The following SIK3 variants were observed in gnomAD, a reference collection of about 807,000 sequenced individuals.
SIK3 encodes serine/threonine-protein kinase SIK3.
Under a neutral mutation model 144.2 loss-of-function variants are expected in SIK3, and 28 were observed. The observed-to-expected ratio is 0.19, with a 90% CI of 0.14 to 0.27. SIK3 has a LOEUF of 0.27. SIK3 is among the 10% of genes least tolerant of loss of function. The probability of loss-of-function intolerance (pLI) is 1.00; values close to 1 mark genes in which losing one functional copy is unlikely to be tolerated. For synonymous variants in SIK3, 686 were observed against 676.3 expected, an observed-to-expected ratio of 1.01 and a Z score of -0.22; for missense variants, 1,319 against 1,776.0, an observed-to-expected ratio of 0.74 and a Z score of 4.62.
chr11:116,880,001 T>G (rs1277178672), intron 6 of SIK3, among the ~76,000 whole-genome samples: 1 of 152,128 alleles, frequency 6.6e-6, no homozygotes, highest in East Asian at 1.9e-4. Flanking sequence ...CAAACTGTTG[T>G]TAAGGCCTCT....
At chr11:116,990,860 A>G (rs1319628809) in intron 1 of SIK3, among the ~76,000 whole-genome samples, 2 of 151,892 alleles carry the variant, frequency 1.3e-5, no homozygotes, top group Non-Finnish European at 2.9e-5. Context: ...CCTCCCCTCC[A>G]CCTCCCAAAA....
At chr11:116,944,616 A>G (rs1052350877) in intron 3 of SIK3, among the ~76,000 whole-genome samples, 2 of 152,216 alleles carry the variant, frequency 1.3e-5, no homozygotes, top group African/African-American at 4.8e-5. Context: ...TGGAAAGGAC[A>G]ACAAAAGTTC....
At chr11:116,997,896 G>A (rs1328249754) in intron 1 of SIK3, among the ~76,000 whole-genome samples, 1 of 152,142 alleles carries the variant, frequency 6.6e-6, no homozygotes, top group East Asian at 1.9e-4. Flanking sequence ...GTCTCACTTT[G>A]TCACCCAGAC....
At chr11:117,011,811 C>A (rs1951271314) in intron 1 of SIK3, among the ~76,000 whole-genome samples, 1 of 151,978 alleles carries the variant, frequency 6.6e-6, no homozygotes, top group East Asian at 1.9e-4. Flanking sequence ...AAGACCCCAT[C>A]TTTTAATTTT....
At chr11:117,095,658 C>A (rs1339736469) in intron 1 of SIK3, among the ~76,000 whole-genome samples, 1 of 152,210 alleles carries the variant, frequency 6.6e-6, no homozygotes, top group African/African-American at 2.4e-5. Flanking sequence ...GAACCCCTTC[C>A]AAAGTGGATT....
At chr11:117,094,815 G>C (rs758557715) in intron 1 of SIK3, among the ~76,000 whole-genome samples, 1 of 151,184 alleles carries the variant, frequency 6.6e-6, no homozygotes, top group African/African-American at 2.4e-5. Context: ...GCTAAGTAAG[G>C]CTCTTCCAAA....
intron 12 of SIK3, 55 bp downstream of exon 12, chr11:116,873,848 A>C: frequency 6.4e-7 from 1 of 1,566,846 alleles, no homozygotes; most frequent in Non-Finnish European, 8.6e-7. Flanking sequence ...ATAGCCTCTC[A>C]AAGGAAGCTC....
At chr11:117,047,039 T>G (rs566198795) in intron 1 of SIK3, among the ~76,000 whole-genome samples, 1 of 152,360 alleles carries the variant, frequency 6.6e-6, no homozygotes, top group African/African-American at 2.4e-5. Flanking sequence ...TCCCTGAAAC[T>G]GTATTTCTAT....
Position 116,858,048 on chromosome 11 carries a change from A to G in SIK3, c.3417T>C (p.His1139=), listed in dbSNP as rs1225049112. 6 of 1,613,708 alleles carry G rather than the reference A, an allele frequency of 3.7e-6. No individual in the cohort carries two copies. Among genetic ancestry groups the G allele is most frequent in the Middle Eastern group, 3.3e-4 (2 of 6,080 alleles). The part of the protein sequence containing the change: ...HGYAHQPALM[H]SESMEEDCSC... The stretch of plus-strand genomic sequence containing the variant: ...AGCAGTCCTCCTCCATGCTCTCTGA[A>G]TGCATCAGTGCCGGCTGGTGAGCAT... Residue 1139 remains histidine (H), a synonymous_variant, in exon 21 of 25, where the codon CAT becomes CAC. Transcript: ENST00000445177. This position sits in a 1 kb window ranked among gnomAD's most constrained non-coding sequence, Gnocchi z 5.4.
At chr11:116,965,759 ATATATATATATATATATATATAT>A (rs1949513958) in intron 1 of SIK3, among the ~76,000 whole-genome samples, 12 of 17,778 alleles carry the variant, frequency 6.7e-4, no homozygotes, top group Middle Eastern at 0.024. Context: ...ATATATATAT[ATATATATATATATATATATATAT>A]AAATTAGCCA....
intron 1 of SIK3, among the ~76,000 whole-genome samples, chr11:117,016,482 C>A (rs1376220422): frequency 6.7e-6 from 1 of 149,872 alleles, no homozygotes; most frequent in African/African-American, 2.5e-5. Context: ...ATATCCCCAA[C>A]ACAAATATGT....
At position 116,844,638 on chromosome 11, in the gene SIK3, TATTA is replaced by T. The variant is rs1941798666; in HGVS notation, c.*1001_*1004del. On this transcript the variant is annotated 3_prime_UTR_variant, in exon 25 of 25. Coordinates refer to ENST00000445177, the MANE Select transcript of SIK3 (RefSeq NM_001366686.3). ...TATATAATATATATATAATATATTA[TATTA>T]TATATTATATATATAATATATATAT... 2 of 85,526 alleles carry T rather than the reference TATTA, an allele frequency of 2.3e-5. No homozygotes were observed. The highest frequency in any genetic ancestry group is 2.4e-4 in the African/African-American group (2 of 8,250). The allele number at this position is 85,526 out of a possible 1,614,324, so 5.3% of individuals were successfully genotyped here. A position where few individuals can be genotyped will look rare whatever the true frequency, so the allele number is the denominator to read the frequency against.
At chr11:117,023,609 CAAA>C (rs71469123) in intron 1 of SIK3, among the ~76,000 whole-genome samples, 70 of 51,996 alleles carry the variant, frequency 1.3e-3, no homozygotes, top group African/African-American at 4.8e-3. Flanking sequence ...AACAAACAAA[CAAA>C]AAAAAAAAAA....
rs183092867 is a variant in SIK3 at position 117,027,608 on chromosome 11, G to A, written c.273+70535C>T. On this transcript the variant is annotated intron_variant, in intron 1 of 24. Transcript: ENST00000445177. Reference sequence around the variant, plus strand: ...CTCCCGAGTAGCTGGGATTACACGCGCCCGCCACCATGCCCAGCTAACTTT... The same window carrying A: ...CTCCCGAGTAGCTGGGATTACACGCACCCGCCACCATGCCCAGCTAACTTT... 1.3e-4 allele frequency among the ~76,000 whole-genome samples: 19 copies of A among 151,868 alleles called. 2 individuals carry two copies. Among genetic ancestry groups the A allele is most frequent in the African/African-American group, 3.4e-4 (14 of 41,362 alleles).
At chr11:117,083,774 T>C (rs183575876) in intron 1 of SIK3, among the ~76,000 whole-genome samples, 1 of 152,334 alleles carries the variant, frequency 6.6e-6, no homozygotes, top group East Asian at 1.9e-4. Flanking sequence ...TTCTGTTTCT[T>C]GCAGCATATG....
intron 1 of SIK3, among the ~76,000 whole-genome samples, chr11:117,025,828 G>A (rs1318732492): frequency 1.3e-5 from 2 of 152,084 alleles, no homozygotes; most frequent in African/African-American, 2.4e-5. Context: ...AGATGACGTG[G>A]TGAGTCAAGT....
chr11:116,973,810 A>G (rs1949848954), intron 1 of SIK3, among the ~76,000 whole-genome samples: 1 of 152,162 alleles, frequency 6.6e-6, no homozygotes, highest in Admixed American at 6.5e-5. Flanking sequence ...ACAAATTCCA[A>G]CTGAGGAGCA....
At chr11:116,934,770 C>T (rs889811678) in intron 3 of SIK3, among the ~76,000 whole-genome samples, 3 of 151,888 alleles carry the variant, frequency 2.0e-5, no homozygotes, top group African/African-American at 7.3e-5. Context: ...CCCATTGCTA[C>T]AAAAAATTTA....
chr11:116,973,732 G>T (rs1191855307), intron 1 of SIK3, among the ~76,000 whole-genome samples: 2 of 152,122 alleles, frequency 1.3e-5, no homozygotes, highest in Admixed American at 1.3e-4. Flanking sequence ...GATGAAAATG[G>T]CGCTTTACCT....
Sources: gnomAD v4.1 joint callset for allele counts (sites outside exome capture counted in the v4.1 genomes callset) on GRCh38, gnomAD v4.1.1 for gene constraint, Gnocchi (gnomAD v3.1) non-coding constraint, MANE v1.5 for transcripts, NCBI Gene and HGNC (gene_info 2026-07-23, HGNC 2026-07-21) for gene names.